The following SCAPER variants were observed in gnomAD, a reference collection of about 807,000 sequenced individuals.
SCAPER encodes S phase cyclin A-associated protein in the endoplasmic reticulum.
A neutral mutation model predicts 182.2 loss-of-function variants in SCAPER; 98 were observed. That is an observed-to-expected ratio of 0.54 (90% CI 0.46 to 0.64). The LOEUF (loss-of-function observed/expected upper bound fraction) is 0.64. Among genes scored for constraint, SCAPER ranks in the 30% least tolerant of loss-of-function variants. SCAPER has a pLI of 0.00. For synonymous variants in SCAPER, 605 were observed against 564.6 expected (o/e 1.07, Z -1.01); for missense variants, 1,432 against 1,690.0 (o/e 0.85, Z 2.68).
intron 23 of SCAPER, among the ~76,000 whole-genome samples, chr15:76,562,767 T>C (rs1414741081): frequency 6.6e-6 from 1 of 152,186 alleles, no homozygotes; most frequent in Non-Finnish European, 1.5e-5. Context: ...CTCTGCTTGC[T>C]AGAGAAATTT....
At chr15:76,390,884 A>G (rs1486524870) in intron 27 of SCAPER, among the ~76,000 whole-genome samples, 1 of 152,210 alleles carries the variant, frequency 6.6e-6, no homozygotes, top group African/African-American at 2.4e-5. Flanking sequence ...CTGCATTAAG[A>G]TTCCAGTACC....
intron 5 of SCAPER, among the ~76,000 whole-genome samples, chr15:76,813,386 G>C (rs982491244): frequency 2.6e-5 from 4 of 151,728 alleles, no homozygotes; most frequent in Non-Finnish European, 5.9e-5. Flanking sequence ...CTAAGATCTA[G>C]TACCAGGCAA....
intron 2 of SCAPER, among the ~76,000 whole-genome samples, chr15:76,878,745 T>C (rs2073347875): frequency 1.3e-5 from 2 of 151,698 alleles, no homozygotes; most frequent in South Asian, 4.2e-4. Context: ...CTGGGCAACA[T>C]AGTGAGATTC....
At chr15:76,824,466 T>C (rs558696385) in intron 5 of SCAPER, among the ~76,000 whole-genome samples, 2 of 152,214 alleles carry the variant, frequency 1.3e-5, no homozygotes, top group South Asian at 2.1e-4. Context: ...AGTACTCCCA[T>C]AGTGATAAAG....
chr15:76,360,229 A>C (rs902957539), intron 29 of SCAPER, among the ~76,000 whole-genome samples: 13 of 152,176 alleles, frequency 8.5e-5, no homozygotes, highest in African/African-American at 3.1e-4. Flanking sequence ...TGCTTTGCCA[A>C]AACCTCAGTT....
intron 23 of SCAPER, among the ~76,000 whole-genome samples, chr15:76,568,224 T>TATATAC (rs1246463146): frequency 2.1e-5 from 3 of 142,850 alleles, no homozygotes; most frequent in African/African-American, 7.9e-5. Context: ...TATATATATA[T>TATATAC]ACAAATGGGA....
intron 20 of SCAPER, among the ~76,000 whole-genome samples, chr15:76,693,600 T>C (rs908402681): frequency 6.6e-6 from 1 of 152,164 alleles, no homozygotes; most frequent in Non-Finnish European, 1.5e-5. Context: ...TACCAACAGA[T>C]GAATGGCTAT....
At position 76,601,219 on chromosome 15, in the gene SCAPER, G is replaced by A. The variant is rs1349283786; in HGVS notation, c.2711+20545C>T. Among the ~76,000 whole-genome samples the A allele has an allele frequency of 4.9e-5, 6 of 121,520 alleles. 1 individual carries two copies. The highest frequency in any genetic ancestry group is 1.9e-4 in the Admixed American group (2 of 10,678). 79.7% of individuals were successfully genotyped at this position (121,520 alleles called of 152,430 possible). A position where few individuals can be genotyped will look rare whatever the true frequency, so the allele number is the denominator to read the frequency against. On this transcript the variant is annotated intron_variant, in intron 22 of 31. Coordinates refer to ENST00000563290, the MANE Select transcript of SCAPER (RefSeq NM_020843.4). Reference sequence around the variant, plus strand: ...TCTCCATCTAATGATACGTATGTGAGTTTTCTTATTTAGCCTGGTTATTTG... The same window carrying A: ...TCTCCATCTAATGATACGTATGTGAATTTTCTTATTTAGCCTGGTTATTTG...
chr15:76,631,730 C>G (rs1244659737), intron 21 of SCAPER, among the ~76,000 whole-genome samples: 2 of 152,100 alleles, frequency 1.3e-5, no homozygotes, highest in African/African-American at 2.4e-5. Context: ...TTTTCCTTTA[C>G]TCTGACCTTG....
chr15:76,381,871 AC>A (rs2141944317), intron 27 of SCAPER, among the ~76,000 whole-genome samples: 1 of 152,024 alleles, frequency 6.6e-6, no homozygotes, highest in East Asian at 1.9e-4. Context: ...GCTGCCAACC[AC>A]CCTTCCCACA....
At chr15:76,665,834 T>TAA in intron 20 of SCAPER, 45 bp from the exon 21 acceptor site, 1 of 1,409,754 alleles carries the variant, frequency 7.1e-7, no homozygotes, top group East Asian at 2.5e-5. Context: ...GATGATCATT[T>TAA]AAATATAATA....
At chr15:76,470,826 T>C (rs2050098720) in intron 25 of SCAPER, among the ~76,000 whole-genome samples, 1 of 152,180 alleles carries the variant, frequency 6.6e-6, no homozygotes, top group Admixed American at 6.5e-5. Flanking sequence ...CCCTTTTAAC[T>C]TAACCTGGCA....
intron 5 of SCAPER, among the ~76,000 whole-genome samples, chr15:76,831,321 G>C (rs1437070570): frequency 1.3e-5 from 2 of 151,892 alleles, no homozygotes; most frequent in Non-Finnish European, 2.9e-5. Context: ...ACACACACTC[G>C]CAACACAGCC....
At chr15:76,657,120 G>A (rs973194655) in intron 21 of SCAPER, among the ~76,000 whole-genome samples, 8 of 151,890 alleles carry the variant, frequency 5.3e-5, no homozygotes, top group African/African-American at 1.9e-4. Flanking sequence ...TGATTTTTTT[G>A]ACAGACAAAG....
intron 26 of SCAPER, among the ~76,000 whole-genome samples, chr15:76,424,285 T>C (rs935972852): frequency 1.3e-5 from 2 of 152,214 alleles, no homozygotes; most frequent in Non-Finnish European, 2.9e-5. Flanking sequence ...GGACTTGCTT[T>C]ATGAATCTGG....
At chr15:76,378,453 G>A (rs1016998591) in intron 28 of SCAPER, among the ~76,000 whole-genome samples, 8 of 152,150 alleles carry the variant, frequency 5.3e-5, no homozygotes, top group African/African-American at 1.7e-4. Flanking sequence ...TAGAATATGA[G>A]TTTCTCTGAC....
At chr15:76,542,929 A>T (rs2044902177) in intron 23 of SCAPER, among the ~76,000 whole-genome samples, 1 of 152,188 alleles carries the variant, frequency 6.6e-6, no homozygotes, top group Non-Finnish European at 1.5e-5. Context: ...CTCAAACTTT[A>T]TAGGACATAC....
chr15:76,368,013 T>C (rs1021896259), intron 29 of SCAPER, among the ~76,000 whole-genome samples: 1 of 152,152 alleles, frequency 6.6e-6, no homozygotes, highest in Non-Finnish European at 1.5e-5. Context: ...TCCTTAGACA[T>C]GATGTATTTC....
chr15:76,719,525 G>A (rs1468479195), intron 17 of SCAPER, among the ~76,000 whole-genome samples: 3 of 152,072 alleles, frequency 2.0e-5, no homozygotes, highest in East Asian at 1.9e-4. Flanking sequence ...TGGGATTTGT[G>A]ATAAATGAGA....
Sources: gnomAD v4.1 joint callset for allele counts (sites outside exome capture counted in the v4.1 genomes callset) on GRCh38, gnomAD v4.1.1 for gene constraint, MANE v1.5 for transcripts, NCBI Gene and HGNC (gene_info 2026-07-23, HGNC 2026-07-21) for gene names.